The following RFX1 variants were observed in gnomAD, a reference collection of about 807,000 sequenced individuals.
The protein encoded by RFX1 is regulatory factor X1.
RFX1 carries 42 observed loss-of-function variants against 119.6 expected under a neutral mutation model. The ratio of observed to expected loss-of-function variants is 0.35; its 90% confidence interval spans 0.27 to 0.45. RFX1 has a LOEUF of 0.45. Among genes scored for constraint, RFX1 ranks in the 20% least tolerant of loss-of-function variants. The probability of loss-of-function intolerance (pLI) is 1.00; values close to 1 mark genes in which losing one functional copy is unlikely to be tolerated. For synonymous variants in RFX1, 628 were observed against 618.5 expected, an observed-to-expected ratio of 1.02 and a Z score of -0.23; for missense variants, 1,118 against 1,368.1, an observed-to-expected ratio of 0.82 and a Z score of 2.88.
At chr19:14,000,483 TACACAC>T (rs142722700) in intron 1 of RFX1, among the ~76,000 whole-genome samples, 1 of 151,292 alleles carries the variant, frequency 6.6e-6, no homozygotes, top group African/African-American at 2.4e-5. Flanking sequence ...CACATACACA[TACACAC>T]ACACACACTC....
chr19:13,988,574 G>T (rs1974690681), intron 2 of RFX1, among the ~76,000 whole-genome samples: 1 of 152,202 alleles, frequency 6.6e-6, no homozygotes, highest in Non-Finnish European at 1.5e-5. Flanking sequence ...AGGAGCTGAT[G>T]GGACATGATG....
Position 13,965,735 on chromosome 19 carries a change from C to T in RFX1, c.2004G>A (p.Val668=), listed in dbSNP as rs1057277639. 6.2e-7 allele frequency: 1 copy of T among 1,613,880 alleles called. No homozygotes were observed. The highest frequency in any genetic ancestry group is 1.7e-5 in the Admixed American group (1 of 60,016). The change falls in exon 15 of 21, where the codon GTG becomes GTA. Residue 668 remains valine, a synonymous_variant. Transcript: ENST00000254325. This position sits in a 1 kb window ranked among gnomAD's most constrained non-coding sequence, Gnocchi z 4.7. ...GCACGGGCTCGAACTTGGAGAGGAGCACCAGGATGGCTTTGGGCAGTCGCT... is the reference window on the plus strand; with the variant it reads ...GCACGGGCTCGAACTTGGAGAGGAGTACCAGGATGGCTTTGGGCAGTCGCT... The part of the protein sequence containing the change: ...AEKRLPKAIL[V]LLSKFEPVLQ...
chr19:14,003,663 G>A (rs1474558061), intron 1 of RFX1, among the ~76,000 whole-genome samples: 2 of 152,144 alleles, frequency 1.3e-5, no homozygotes, highest in Non-Finnish European at 2.9e-5. Flanking sequence ...ACAGAAACAT[G>A]AGATTGAAAG....
In RFX1 at chr19:13,986,980, G is replaced by A. The variant is rs1450214843; in HGVS notation, c.320-3385C>T. On this transcript the variant is annotated intron_variant, in intron 2 of 20. Transcript: ENST00000254325. This position sits in a 1 kb window ranked among gnomAD's most constrained non-coding sequence, Gnocchi z 4.2. The stretch of plus-strand genomic sequence containing the variant: ...CCTGGAGGGGCCCCTGCTGCCCCCA[G>A]TGTCCTCTATCCCTTGTCTGCTCCA... Among the ~76,000 whole-genome samples the A allele has an allele frequency of 1.3e-5, 2 of 152,186 alleles. No homozygotes were observed.
intron 8 of RFX1, among the ~76,000 whole-genome samples, chr19:13,973,903 A>C (rs1363072099): frequency 2.6e-5 from 4 of 151,924 alleles, no homozygotes; most frequent in Admixed American, 2.6e-4. Flanking sequence ...CAGTCCTGGG[A>C]TTACAGGCAT....
In RFX1 at chr19:13,968,687, T is replaced by C; in HGVS notation, c.1617-7A>G. The stretch of plus-strand genomic sequence containing the variant: ...CTTCTGGATGGGCTTGAGCCTGGAG[T>C]AGAATGGGCAGGTGGGCCGGCTGCT... On this transcript the variant is annotated splice_polypyrimidine_tract_variant and splice_region_variant and intron_variant, in intron 11 of 20. Coordinates refer to ENST00000254325, the MANE Select transcript of RFX1 (RefSeq NM_002918.5). The surrounding 1 kb of genome is among the most constrained non-coding windows in gnomAD (Gnocchi z 5.5). 10 of 1,612,494 alleles carry C rather than the reference T, an allele frequency of 6.2e-6. No homozygotes were observed. The highest frequency in any genetic ancestry group is 7.6e-6 in the Non-Finnish European group (9 of 1,179,676).
intron 9 of RFX1, 37 bp downstream of exon 9, chr19:13,972,706 T>C (rs1371071811): frequency 2.0e-6 from 3 of 1,524,948 alleles, no homozygotes; most frequent in Non-Finnish European, 1.8e-6. Flanking sequence ...CACCCACCAC[T>C]GCCTGCCTCC....
intron 2 of RFX1, among the ~76,000 whole-genome samples, chr19:13,988,592 T>C (rs1000174432): frequency 6.6e-6 from 1 of 152,214 alleles, no homozygotes; most frequent in Non-Finnish European, 1.5e-5. Context: ...ATGGCTGTGC[T>C]AGGTGCTCCT....
intron 1 of RFX1, among the ~76,000 whole-genome samples, chr19:14,004,310 C>T (rs1048395403): frequency 6.6e-6 from 1 of 152,152 alleles, no homozygotes; most frequent in African/African-American, 2.4e-5. Context: ...GAGATCAAGA[C>T]CATCCTGACC....
intron 18 of RFX1, 91 bp downstream of exon 18, chr19:13,963,447 G>A (rs1034360651): frequency 1.3e-5 from 19 of 1,448,716 alleles, no homozygotes; most frequent in Non-Finnish European, 1.7e-5. Context: ...CCAGCCTGCA[G>A]GCTCGGGTCG....
intron 1 of RFX1, among the ~76,000 whole-genome samples, chr19:14,002,658 TCCTGCCACAAG>T (rs957839827): frequency 1.4e-5 from 2 of 147,826 alleles, no homozygotes; most frequent in African/African-American, 5.3e-5. Context: ...GAAAGTTACT[TCCTGCCACAAG>T]CCTGCTTGTG....
At chr19:14,004,838 T>TA (rs922817935) in intron 1 of RFX1, among the ~76,000 whole-genome samples, 6 of 150,138 alleles carry the variant, frequency 4.0e-5, no homozygotes, top group South Asian at 2.1e-4. Flanking sequence ...GCTGGCTACT[T>TA]AAAAAAAAAA....
chr19:13,988,939 T>A (rs1974707450), intron 2 of RFX1, among the ~76,000 whole-genome samples: 1 of 152,102 alleles, frequency 6.6e-6, no homozygotes, highest in Non-Finnish European at 1.5e-5. Flanking sequence ...GGAGAATCGC[T>A]TGAACCCAGG....
intron 1 of RFX1, among the ~76,000 whole-genome samples, chr19:14,004,833 C>T (rs1208411585): frequency 6.6e-6 from 1 of 152,014 alleles, no homozygotes; most frequent in East Asian, 1.9e-4. Context: ...GCCTGGCTGG[C>T]TACTTAAAAA....
chr19:13,973,212 T>C (rs1366200536), intron 8 of RFX1, 85 bp from the exon 9 acceptor site: 4 of 845,872 alleles, frequency 4.7e-6, no homozygotes, highest in Non-Finnish European at 7.3e-6. Context: ...AGGGGGGTCC[T>C]AGGAGGGGAC....
At chr19:13,994,001 C>A in intron 1 of RFX1, 106 bp from the exon 2 acceptor site, 2 of 695,980 alleles carry the variant, frequency 2.9e-6, no homozygotes, top group Non-Finnish European at 2.4e-6. Context: ...GCTCTGGGTT[C>A]CCTGGAGATG....
intron 9 of RFX1, among the ~76,000 whole-genome samples, chr19:13,971,033 G>A (rs1442791213): frequency 2.7e-5 from 4 of 150,246 alleles, no homozygotes; most frequent in African/African-American, 4.9e-5. Context: ...TATGCAGAAT[G>A]AAAAAAATCA....
At chr19:13,963,062 T>TGGGTGA (rs1568455377) in intron 19 of RFX1, 23 bp from the exon 20 acceptor site, 2 of 1,587,358 alleles carry the variant, frequency 1.3e-6, no homozygotes. Context: ...GAGAAGAAAA[T>TGGGTGA]GGGTGAGGGT....
At chr19:14,002,817 A>G (rs930292180) in intron 1 of RFX1, among the ~76,000 whole-genome samples, 5 of 152,204 alleles carry the variant, frequency 3.3e-5, no homozygotes, top group African/African-American at 7.2e-5. Flanking sequence ...CAGCCTGGCC[A>G]TCCCCTTCCC....
Sources: allele counts gnomAD v4.1 joint callset (sites outside exome capture counted in the v4.1 genomes callset), GRCh38; gene constraint gnomAD v4.1.1; non-coding constraint Gnocchi (gnomAD v3.1); transcripts MANE v1.5; gene names NCBI Gene and HGNC (gene_info 2026-07-23, HGNC 2026-07-21).